ANKAR: variants seen among roughly 807,000 people sequenced by gnomAD.
The protein encoded by ANKAR is ankyrin and armadillo repeat containing.
Under a neutral mutation model 146.2 loss-of-function variants are expected in ANKAR, and 136 were observed. That is an observed-to-expected ratio of 0.93 (90% CI 0.81 to 1.07). The LOEUF is 1.07. Among genes scored for constraint, ANKAR ranks in the 50% least tolerant of loss-of-function variants. ANKAR has a pLI of 0.00. For synonymous variants in ANKAR, 500 were observed against 575.8 expected, an observed-to-expected ratio of 0.87 and a Z score of 1.88; for missense variants, 1,567 against 1,679.9, an observed-to-expected ratio of 0.93 and a Z score of 1.18.
intron 4 of ANKAR, 56 bp downstream of exon 4, chr2:189,692,474 C>A (rs774165226): frequency 3.3e-5 from 50 of 1,508,986 alleles, no homozygotes; most frequent in Non-Finnish European, 4.3e-5. Flanking sequence ...TTATCCTATT[C>A]TCCAACCAAA....
At chr2:189,704,589 A>G (rs1308646487) in intron 7 of ANKAR, among the ~76,000 whole-genome samples, 1 of 112,180 alleles carries the variant, frequency 8.9e-6, no homozygotes, top group Non-Finnish European at 1.9e-5. Context: ...ATATATATAT[A>G]TATATATAAT....
rs774863513 is a variant in ANKAR at position 189,743,405 on chromosome 2, C to T, written c.3941C>T (p.Ala1314Val). Residue 1314 changes from alanine (A) to valine (V), a missense_variant, in exon 21 of 23, where the codon GCA (alanine) becomes GTA (valine). Transcript: ENST00000684021. ...IRIKNNISRD[A>V]SINPAFLKEF... ...ATAAAAAATAATATCAGCAGAGATGCAAGTATTAACCCAGCATTTTTAAAG... is the reference window on the plus strand; with the variant it reads ...ATAAAAAATAATATCAGCAGAGATGTAAGTATTAACCCAGCATTTTTAAAG... 1 of 1,613,898 alleles carries T rather than the reference C, an allele frequency of 6.2e-7. No homozygotes were observed.
At chr2:189,686,024 T>C (rs1240081999) in intron 2 of ANKAR, among the ~76,000 whole-genome samples, 1 of 152,182 alleles carries the variant, frequency 6.6e-6, no homozygotes, top group Non-Finnish European at 1.5e-5. Context: ...GTGGTTTTTG[T>C]TGGCTCCCAG....
At chr2:189,736,485 A>T (rs1483792179) in intron 17 of ANKAR, among the ~76,000 whole-genome samples, 12 of 78,940 alleles carry the variant, frequency 1.5e-4, no homozygotes, top group East Asian at 3.9e-4. Flanking sequence ...CTTTTTGCCT[A>T]TTTAGGTGAC....
chr2:189,728,168 AAAAACT>A, intron 13 of ANKAR, 71 bp downstream of exon 13: 1 of 1,510,348 alleles, frequency 6.6e-7, no homozygotes, highest in Non-Finnish European at 8.9e-7. Context: ...AAGTGAATAG[AAAAACT>A]AAACCAATTC....
rs183779291 is a variant in ANKAR at position 189,727,802 on chromosome 2, G to A, written c.2636-54G>A. ...GGAAACTAATGATATGCTGCACTTT[G>A]ATATTCTTATTTTTCATAAGGTTTA... On this transcript the variant is annotated intron_variant, in intron 12 of 22. Transcript: ENST00000684021. The A allele has an allele frequency of 9.5e-6, 15 of 1,576,404 alleles. No homozygotes were observed. The Admixed American group carries it at 1.8e-4, about 18-fold the overall frequency.
At chr2:189,733,029 A>G (rs1421719940) in intron 16 of ANKAR, 78 bp from the exon 17 acceptor site, 52 of 1,387,980 alleles carry the variant, frequency 3.7e-5, no homozygotes, top group Non-Finnish European at 4.6e-5. Context: ...AATGTATTCT[A>G]TATAAATGCC....
At position 189,696,242 on chromosome 2, in the gene ANKAR, T is replaced by C; in HGVS notation, c.1581T>C (p.Asn527=). 1.2e-6 allele frequency: 2 copies of C among 1,614,134 alleles called. No individual in the cohort carries two copies. Among genetic ancestry groups the C allele is most frequent in the South Asian group, 2.2e-5 (2 of 91,080 alleles). ...FSRKTSSSTI[N]VSDEAGYTIF... ...GTAAAACCTCAAGCTCAACAATCAA[T>C]GTTTCAGATGAAGCAGGTTATACTA... Residue 527 remains asparagine, a synonymous_variant, in exon 7 of 23, where the codon AAT becomes AAC. Coordinates refer to ENST00000684021, the MANE Select transcript of ANKAR (RefSeq NM_001378068.1).
Position 189,676,701 on chromosome 2 carries a change from A to G in ANKAR, c.211A>G (p.Ile71Val). ...VRSQVDLPCG[I>V]MSQMNNVGFS... ...CTCTCAAGTAGACCTCCCATGTGGA[A>G]TTATGAGTCAAATGAATAACGTAGG... is the stretch of plus-strand genomic sequence containing the variant. The change falls in exon 2 of 23, where the codon ATT becomes GTT. Residue 71 changes from isoleucine to valine, a missense_variant. Physicochemically the swap from Ile to Val is conservative, Grantham distance 29 (BLOSUM62 3). Transcript: ENST00000684021. The G allele has an allele frequency of 1.9e-6, 3 of 1,614,236 alleles. No individual in the cohort carries two copies. The South Asian group carries it at 3.3e-5, about 18-fold the overall frequency.
intron 18 of ANKAR, chr2:189,755,175 T>C: frequency 6.3e-7 from 1 of 1,599,974 alleles, no homozygotes; most frequent in Non-Finnish European, 8.5e-7. Flanking sequence ...TTAATTACCT[T>C]GTCAAGCATG....
intron 10 of ANKAR, among the ~76,000 whole-genome samples, chr2:189,716,789 A>G (rs2040521976): frequency 6.6e-6 from 1 of 151,856 alleles, no homozygotes; most frequent in African/African-American, 2.4e-5. Flanking sequence ...AACACCACAC[A>G]TCTACAACCA....
At chr2:189,718,948 A>G (rs2105776805) in intron 10 of ANKAR, among the ~76,000 whole-genome samples, 1 of 150,326 alleles carries the variant, frequency 6.7e-6, no homozygotes, top group African/African-American at 2.4e-5. Context: ...ACGGGGTTTC[A>G]CCTTGTTAGC....
chr2:189,699,045 A>G (rs1200467315), intron 7 of ANKAR, among the ~76,000 whole-genome samples: 1 of 152,168 alleles, frequency 6.6e-6, no homozygotes, highest in Non-Finnish European at 1.5e-5. Flanking sequence ...AAGCTCCATA[A>G]AGGACAAGGA....
chr2:189,735,501 A>G (rs2042764758), intron 17 of ANKAR, among the ~76,000 whole-genome samples: 1 of 152,166 alleles, frequency 6.6e-6, no homozygotes, highest in African/African-American at 2.4e-5. Flanking sequence ...CCTTCATTAA[A>G]CCTATAGTGG....
chr2:189,694,796 A>C (rs1462292287), intron 5 of ANKAR, among the ~76,000 whole-genome samples, 185 bp from the exon 6 acceptor site: 1 of 152,234 alleles, frequency 6.6e-6, no homozygotes, highest in African/African-American at 2.4e-5. Flanking sequence ...AGGTATTTTT[A>C]TATAAAGACT....
At chr2:189,718,240 C>T (rs1303050329) in intron 10 of ANKAR, among the ~76,000 whole-genome samples, 1 of 152,070 alleles carries the variant, frequency 6.6e-6, no homozygotes, top group African/African-American at 2.4e-5. Flanking sequence ...ATAGCTTGAG[C>T]CCAGGAGTTT....
chr2:189,759,311 C>T (rs1195603951), intron 18 of ANKAR, among the ~76,000 whole-genome samples: 6 of 151,814 alleles, frequency 4.0e-5, no homozygotes, highest in African/African-American at 2.4e-5. Context: ...TCCAATGGCG[C>T]GATCTCTGCT....
At chr2:189,750,138 T>C (rs555046601), downstream of ANKAR, among the ~76,000 whole-genome samples, 8 of 152,012 alleles carry the variant, frequency 5.3e-5, 1 homozygote, top group East Asian at 1.6e-3. Flanking sequence ...AAAATAATAA[T>C]GATAAAAAAA....
chr2:189,720,600 T>A lies in ANKAR; in HGVS notation c.2467-19T>A, dbSNP rs367860603. 1 of 1,316,772 alleles carries A rather than the reference T, an allele frequency of 7.6e-7. No homozygotes were observed. The highest frequency in any genetic ancestry group is 9.9e-7 in the Non-Finnish European group (1 of 1,013,786). The allele number at this position is 1,316,772 out of a possible 1,614,324, so 81.6% of individuals were successfully genotyped here. A position where few individuals can be genotyped will look rare whatever the true frequency, so the allele number is the denominator to read the frequency against. On this transcript the variant is annotated intron_variant, in intron 11 of 22. Coordinates refer to ENST00000684021, the MANE Select transcript of ANKAR (RefSeq NM_001378068.1). The stretch of plus-strand genomic sequence containing the variant: ...TATCTTAAACAAATTCAAATGTAAT[T>A]TTTTTTGTTTATTTTTAGAATGGAA...
Sources: allele counts gnomAD v4.1 joint callset (sites outside exome capture counted in the v4.1 genomes callset), GRCh38; gene constraint gnomAD v4.1.1; transcripts MANE v1.5; gene names NCBI Gene and HGNC (gene_info 2026-07-23, HGNC 2026-07-21).